The following COX7B2 variants were observed in gnomAD, a reference collection of about 807,000 sequenced individuals.
COX7B2 encodes the protein cytochrome c oxidase subunit 7B2, mitochondrial.
For synonymous variants in COX7B2, 37 were observed against 32.1 expected, an observed-to-expected ratio of 1.15 and a Z score of -0.51; for missense variants, 109 against 95.9, an observed-to-expected ratio of 1.14 and a Z score of -0.57.
intron 1 of COX7B2, among the ~76,000 whole-genome samples, chr4:46,873,050 C>T (rs1186880561): frequency 6.6e-6 from 1 of 150,884 alleles, no homozygotes; most frequent in Non-Finnish European, 1.5e-5. Flanking sequence ...TCAACTCCCA[C>T]TTATGAGTGA....
chr4:46,774,204 TAAAAC>T (rs1717034689), intron 2 of COX7B2, among the ~76,000 whole-genome samples: 1 of 152,108 alleles, frequency 6.6e-6, no homozygotes, highest in Admixed American at 6.6e-5. Context: ...GTGTTTATCT[TAAAAC>T]AAACAAACAA....
At chr4:46,753,456 A>C (rs1715535492) in intron 2 of COX7B2, among the ~76,000 whole-genome samples, 1 of 151,984 alleles carries the variant, frequency 6.6e-6, no homozygotes, top group African/African-American at 2.4e-5. Context: ...AAAACAAGAA[A>C]TGGGGAAAGG....
Position 46,831,284 on chromosome 4 carries a change from G to C in COX7B2, c.-50+13676C>G, listed in dbSNP as rs183538957. 7.2e-5 allele frequency among the ~76,000 whole-genome samples: 11 copies of C among 152,166 alleles called. No homozygotes were observed. The East Asian group carries it at 2.1e-3, about 29-fold the overall frequency. The stretch of plus-strand genomic sequence containing the variant: ...CTTAGCTGCCTCCCCACACAGCAGC[G>C]CTCAGGACCTGCAGCCTGCCATGCC... On this transcript the variant is annotated intron_variant, in intron 2 of 2. Transcript: ENST00000355591.
At chr4:46,908,767 C>A (rs980397683) in intron 1 of COX7B2, among the ~76,000 whole-genome samples, 1 of 139,350 alleles carries the variant, frequency 7.2e-6, no homozygotes, top group African/African-American at 2.6e-5. Flanking sequence ...TCTGGCCGGG[C>A]GCAGTGGCTC....
At chr4:46,735,287 A>C in intron 2 of COX7B2, 46 bp from the exon 3 acceptor site, 1 of 1,401,382 alleles carries the variant, frequency 7.1e-7, no homozygotes, top group Non-Finnish European at 9.9e-7. Context: ...TCTTTATTCA[A>C]TTCCTTCCGC....
At chr4:46,806,644 C>A (rs1719010145) in intron 2 of COX7B2, among the ~76,000 whole-genome samples, 1 of 152,028 alleles carries the variant, frequency 6.6e-6, no homozygotes, top group Non-Finnish European at 1.5e-5. Flanking sequence ...ATTCATCATA[C>A]ATATCTACCA....
intron 1 of COX7B2, among the ~76,000 whole-genome samples, chr4:46,878,180 A>C (rs1391421790): frequency 6.6e-6 from 1 of 152,092 alleles, no homozygotes; most frequent in Non-Finnish European, 1.5e-5. Flanking sequence ...TATATGCGGA[A>C]GTTTTTTTAA....
chr4:46,879,090 C>T (rs1718536664), intron 1 of COX7B2, among the ~76,000 whole-genome samples: 1 of 152,118 alleles, frequency 6.6e-6, no homozygotes, highest in African/African-American at 2.4e-5. Flanking sequence ...ACATAATGAA[C>T]TAAGGCCGTG....
intron 1 of COX7B2, among the ~76,000 whole-genome samples, chr4:46,875,130 G>A (rs188264713): frequency 1.3e-5 from 2 of 152,138 alleles, no homozygotes; most frequent in East Asian, 3.9e-4. Context: ...ACAAGTATGT[G>A]TTTCTAACCT....
At chr4:46,797,092 TAAAAAAAA>T (rs762801656) in intron 2 of COX7B2, among the ~76,000 whole-genome samples, 32 of 62,556 alleles carry the variant, frequency 5.1e-4, no homozygotes, top group Non-Finnish European at 7.1e-4. Flanking sequence ...TAGAGTATAA[TAAAAAAAA>T]AAAAAAAAAA....
In COX7B2 at chr4:46,822,102, G is replaced by T. The variant is rs150924299; in HGVS notation, c.-50+22858C>A. Among the ~76,000 whole-genome samples the T allele has an allele frequency of 1.0e-3, 154 of 152,188 alleles. 1 individual carries two copies. In the East Asian group the frequency reaches 0.027, roughly 27 times the overall value. ...AATTTTTGTATTTTTTAGTAGACAC[G>T]AGGTTTCACCATGTTGGCCAGGATA... On this transcript the variant is annotated intron_variant, in intron 2 of 2. Coordinates refer to ENST00000355591, the MANE Select transcript of COX7B2 (RefSeq NM_130902.3).
chr4:46,807,135 G>T (rs1190643952), intron 2 of COX7B2, among the ~76,000 whole-genome samples: 1 of 151,820 alleles, frequency 6.6e-6, no homozygotes, highest in Non-Finnish European at 1.5e-5. Context: ...CAGTCCCACA[G>T]TGTACAAGAG....
At chr4:46,827,671 A>G (rs1271866955) in intron 2 of COX7B2, among the ~76,000 whole-genome samples, 2 of 152,184 alleles carry the variant, frequency 1.3e-5, no homozygotes, top group Non-Finnish European at 2.9e-5. Flanking sequence ...AGGACTGAAA[A>G]AAAGTGATTC....
At chr4:46,851,445 C>A (rs1410223051) in intron 1 of COX7B2, among the ~76,000 whole-genome samples, 1 of 151,936 alleles carries the variant, frequency 6.6e-6, no homozygotes, top group Admixed American at 6.6e-5. Flanking sequence ...ATAAAAGCTG[C>A]AAAATTAGTA....
At chr4:46,760,358 C>CA (rs1716074055) in intron 2 of COX7B2, among the ~76,000 whole-genome samples, 1 of 152,122 alleles carries the variant, frequency 6.6e-6, no homozygotes, top group Non-Finnish European at 1.5e-5. Context: ...ACATATACAC[C>CA]ATGGAATACT....
intron 2 of COX7B2, among the ~76,000 whole-genome samples, chr4:46,753,396 A>G (rs1348871212): frequency 6.6e-6 from 1 of 152,106 alleles, no homozygotes; most frequent in African/African-American, 2.4e-5. Context: ...CAGAGCCCTC[A>G]GAAATAATAC....
intron 2 of COX7B2, among the ~76,000 whole-genome samples, chr4:46,790,365 T>A (rs1171692932): frequency 6.6e-6 from 1 of 152,240 alleles, no homozygotes; most frequent in Non-Finnish European, 1.5e-5. Flanking sequence ...GACTCCTGAA[T>A]CTTTTATTCA....
rs543318063 is a variant in COX7B2, at chr4:46,901,993, C to T, written c.-105+7167G>A. ...ATATTATGGGACTTCTCAGCCTCCA[C>T]AATTGCATTAGACAATTCCCCTAAC... On this transcript the variant is annotated intron_variant, in intron 1 of 2. Transcript: ENST00000355591. Among the ~76,000 whole-genome samples the T allele has an allele frequency of 6.2e-4, 94 of 152,350 alleles. 2 individuals carry two copies. The highest frequency in any genetic ancestry group is 6.1e-3 in the Admixed American group (93 of 15,296).
At chr4:46,768,504 T>A (rs887058863) in intron 2 of COX7B2, among the ~76,000 whole-genome samples, 2 of 151,814 alleles carry the variant, frequency 1.3e-5, no homozygotes, top group Non-Finnish European at 2.9e-5. Flanking sequence ...GGTGGGAAAA[T>A]GGAGATGTGA....
Sources: allele counts gnomAD v4.1 joint callset (sites outside exome capture counted in the v4.1 genomes callset), GRCh38; gene constraint gnomAD v4.1.1; transcripts MANE v1.5; gene names NCBI Gene and HGNC (gene_info 2026-07-23, HGNC 2026-07-21).